Variants in RINL observed in about 807,000 individuals in gnomAD.
The protein encoded by RINL is Ras and Rab interactor like.
In RINL, 39 loss-of-function variants were observed where a neutral mutation model predicts 58.1. The observed-to-expected ratio is 0.67, with a 90% CI of 0.52 to 0.88. The LOEUF is 0.88. Among genes scored for constraint, RINL ranks in the 40% least tolerant of loss-of-function variants. The probability of loss-of-function intolerance (pLI) is 0.00; values close to 1 mark genes in which losing one functional copy is unlikely to be tolerated. For synonymous variants in RINL, 286 were observed against 323.1 expected (o/e 0.89, Z 1.23); for missense variants, 711 against 749.2 (o/e 0.95, Z 0.60).
rs1568384966 is a variant in RINL at position 38,869,426 on chromosome 19, G to A, written c.1475-16C>T. ...TAGTACCCAGCTGGGGACAGAAAGG[G>A]AAGTCAGCTCCGCCCTCTCGGCTTC... On this transcript the variant is annotated splice_polypyrimidine_tract_variant and intron_variant, in intron 10 of 11. Transcript: ENST00000591812. The surrounding 1 kb of genome is among the most constrained non-coding windows in gnomAD (Gnocchi z 5.7). 6.3e-7 allele frequency: 1 copy of A among 1,584,872 alleles called. No individual in the cohort carries two copies. Among genetic ancestry groups the A allele is most frequent in the Non-Finnish European group, 8.6e-7 (1 of 1,162,302 alleles).
chr19:38,875,679 T>TTA (rs796837046), intron 3 of RINL, among the ~76,000 whole-genome samples: 1 of 147,638 alleles, frequency 6.8e-6, no homozygotes, highest in East Asian at 2.0e-4. Context: ...CTCTCAAAAT[T>TTA]AAAAAAAAAA....
In RINL at chr19:38,870,103, C is replaced by T. The variant is rs1014910244; in HGVS notation, c.1182G>A (p.Gly394=). 7.6e-6 allele frequency: 11 copies of T among 1,445,462 alleles called. No homozygotes were observed. In the Admixed American group the frequency reaches 1.2e-4, roughly 15 times the overall value. The allele number at this position is 1,445,462 out of a possible 1,614,324, so 89.5% of individuals were successfully genotyped here. ...RAGAGPPGAQ[G]PGPEGQSPAP... ...CGGGGCTCTGCCCTTCCGGTCCCGGCCCCTGTGCCCCCGGAGGCCCCGCCC... is the reference window on the plus strand; with the variant it reads ...CGGGGCTCTGCCCTTCCGGTCCCGGTCCCTGTGCCCCCGGAGGCCCCGCCC... Residue 394 remains glycine, a synonymous_variant, in exon 9 of 12, where the codon GGG becomes GGA. Transcript: ENST00000591812. The surrounding 1 kb of genome is among the most constrained non-coding windows in gnomAD (Gnocchi z 5.8).
intron 4 of RINL, among the ~76,000 whole-genome samples, chr19:38,872,527 G>A (rs1422208171): frequency 3.3e-5 from 5 of 151,818 alleles, no homozygotes; most frequent in Non-Finnish European, 5.9e-5. Flanking sequence ...TTTTAAAAAC[G>A]AGTAAACAAA....
intron 1 of RINL, among the ~76,000 whole-genome samples, chr19:38,877,058 C>T (rs550573714): frequency 2.6e-5 from 4 of 152,248 alleles, no homozygotes; most frequent in South Asian, 2.1e-4. Flanking sequence ...GGATTACAGG[C>T]GTGCACCACC....
intron 4 of RINL, among the ~76,000 whole-genome samples, chr19:38,872,455 C>CAGCCTGGGCGACAAAAGTGAGACTA (rs1972835001): frequency 1.3e-5 from 2 of 151,916 alleles, no homozygotes; most frequent in Non-Finnish European, 2.9e-5. Flanking sequence ...CATTGCACTC[C>CAGCCTGGGCGACAAAAGTGAGACTA]AGCCTGGGCG....
In RINL at chr19:38,868,953, C is replaced by G; in HGVS notation, c.*151G>C. On this transcript the variant is annotated 3_prime_UTR_variant, in exon 12 of 12. Coordinates refer to ENST00000591812, the MANE Select transcript of RINL (RefSeq NM_001195833.2). ...GTACCACAGGAGTACGCCACCACGC[C>G]CGGCTAATTTTTGTTTTTTTTTTTT... 1 of 686,292 alleles carries G rather than the reference C, an allele frequency of 1.5e-6. No homozygotes were observed. Among genetic ancestry groups the G allele is most frequent in the Non-Finnish European group, 2.4e-6 (1 of 422,434 alleles). 42.5% of individuals were successfully genotyped at this position (686,292 alleles called of 1,614,324 possible).
At chr19:38,875,505 A>G (rs545832742) in intron 3 of RINL, among the ~76,000 whole-genome samples, 1 of 151,778 alleles carries the variant, frequency 6.6e-6, no homozygotes, top group African/African-American at 2.4e-5. Flanking sequence ...GTGAAATCCC[A>G]TCTCTACTAA....
rs1404208583 is a variant in RINL, at chr19:38,871,824, A to G, written c.360T>C (p.His120=). ...SSNLCMPDLP[H]LLAFLSASRD... ...TGCTGGCTGATAGAAAGGCCAGGAG[A>G]TGGGGCAGGTCTGGCATGCAGAGGT... is the stretch of plus-strand genomic sequence containing the variant. The change falls in exon 5 of 12, where the codon CAT becomes CAC. Residue 120 remains histidine (H), a synonymous_variant. Transcript: ENST00000591812. 1 of 1,614,108 alleles carries G rather than the reference A, an allele frequency of 6.2e-7. No homozygotes were observed.
At chr19:38,876,208 A>G (rs1420115889) in intron 3 of RINL, 123 bp downstream of exon 3, 5 of 917,430 alleles carry the variant, frequency 5.5e-6, no homozygotes, top group Non-Finnish European at 8.1e-6. Context: ...TGCAGGCATG[A>G]GCCATTGCAC....
At position 38,868,973 on chromosome 19, in the gene RINL, T is replaced by G. The variant is rs566769660; in HGVS notation, c.*131A>C. The G allele has an allele frequency of 1.3e-4, 106 of 804,676 alleles. No homozygotes were observed. The highest frequency in any genetic ancestry group is 8.1e-4 in the African/African-American group (47 of 58,214). The allele number at this position is 804,676 out of a possible 1,614,324, so 49.8% of individuals were successfully genotyped here. Reference sequence around the variant, plus strand: ...CACGCCCGGCTAATTTTTGTTTTTTTTTTTTTTTGGTAGATGGGGGTCCCA... The same window carrying G: ...CACGCCCGGCTAATTTTTGTTTTTTGTTTTTTTTGGTAGATGGGGGTCCCA... On this transcript the variant is annotated 3_prime_UTR_variant, in exon 12 of 12. Coordinates refer to ENST00000591812, the MANE Select transcript of RINL (RefSeq NM_001195833.2).
intron 2 of RINL, 47 bp downstream of exon 2, chr19:38,876,646 C>T (rs1972932524): frequency 6.6e-7 from 1 of 1,514,708 alleles, no homozygotes; most frequent in Non-Finnish European, 8.9e-7. Flanking sequence ...GAAAGGGTTT[C>T]TGGATGCAGG....
intron 6 of RINL, 93 bp from the exon 7 acceptor site, chr19:38,871,320 T>C (rs1410063007): frequency 3.0e-5 from 42 of 1,394,130 alleles, no homozygotes; most frequent in Non-Finnish European, 4.0e-5. Context: ...CCCAGCTTCA[T>C]TGCTGGAGGT....
intron 2 of RINL, 52 bp downstream of exon 2, chr19:38,876,641 G>A: frequency 1.9e-5 from 28 of 1,503,150 alleles, no homozygotes; most frequent in Non-Finnish European, 2.3e-5. Flanking sequence ...GGATGGAAAG[G>A]GTTTCTGGAT....
At position 38,868,950 on chromosome 19, in the gene RINL, C is replaced by A; in HGVS notation, c.*154G>T. ...CTGGTACCACAGGAGTACGCCACCA[C>A]GCCCGGCTAATTTTTGTTTTTTTTT... On this transcript the variant is annotated 3_prime_UTR_variant, in exon 12 of 12. Transcript: ENST00000591812. 1.5e-6 allele frequency: 1 copy of A among 671,908 alleles called. No homozygotes were observed. The highest frequency in any genetic ancestry group is 2.4e-6 in the Non-Finnish European group (1 of 409,768). The allele number at this position is 671,908 out of a possible 1,614,324, so 41.6% of individuals were successfully genotyped here. A position where few individuals can be genotyped will look rare whatever the true frequency, so the allele number is the denominator to read the frequency against.
intron 3 of RINL, among the ~76,000 whole-genome samples, chr19:38,874,906 G>A (rs929259548): frequency 4.6e-5 from 7 of 152,038 alleles, no homozygotes; most frequent in African/African-American, 1.4e-4. Context: ...AGGCCGAGGC[G>A]GGTGGATCAC....
Position 38,869,169 on chromosome 19 carries a change from G to A in RINL, c.1639-3C>T. On this transcript the variant is annotated splice_polypyrimidine_tract_variant and splice_region_variant and intron_variant, in intron 11 of 11. Transcript: ENST00000591812. This position sits in a 1 kb window ranked among gnomAD's most constrained non-coding sequence, Gnocchi z 5.7. ...GGCTCCTTAAAGGGCAGGTTGGCCT[G>A]TGGGGAGAGGTGGGAGCTGGGTCAG... 1.2e-6 allele frequency: 2 copies of A among 1,614,154 alleles called. No homozygotes were observed. Among genetic ancestry groups the A allele is most frequent in the Non-Finnish European group, 1.7e-6 (2 of 1,180,004 alleles).
At position 38,868,737 on chromosome 19, in the gene RINL, G is replaced by A. The variant is rs117690948; in HGVS notation, c.*367C>T. 2,511 of 184,492 alleles carry A rather than the reference G, an allele frequency of 0.014. 35 individuals carry two copies. The highest frequency in any genetic ancestry group is 0.025 in the South Asian group (192 of 7,812). The allele number at this position is 184,492 out of a possible 1,614,324, so 11.4% of individuals were successfully genotyped here. ...TTAGGAGCAGCAAGGAGGAGGGAGGGGTCCCAGGAAAAGGGAACAGCCTAC... is the reference window on the plus strand; with the variant it reads ...TTAGGAGCAGCAAGGAGGAGGGAGGAGTCCCAGGAAAAGGGAACAGCCTAC... On this transcript the variant is annotated 3_prime_UTR_variant, in exon 12 of 12. Coordinates refer to ENST00000591812, the MANE Select transcript of RINL (RefSeq NM_001195833.2).
Position 38,875,923 on chromosome 19 carries a change from G to A in RINL, c.210+408C>T, listed in dbSNP as rs369462162. Reference sequence around the variant, plus strand: ...AGATAAATGCCTATTTGTTTAAACCGCTGTAGGACAGGTGTTTGTTATATT... The same window carrying A: ...AGATAAATGCCTATTTGTTTAAACCACTGTAGGACAGGTGTTTGTTATATT... On this transcript the variant is annotated intron_variant, in intron 3 of 11. Transcript: ENST00000591812. Among the ~76,000 whole-genome samples the A allele has an allele frequency of 4.7e-4, 72 of 152,304 alleles. 1 individual carries two copies. In the South Asian group the frequency reaches 0.013, roughly 29 times the overall value.
intron 1 of RINL, 120 bp from the exon 2 acceptor site, chr19:38,876,901 G>A (rs560168460): frequency 6.6e-5 from 41 of 623,482 alleles, no homozygotes; most frequent in South Asian, 6.2e-4. Context: ...GCCGCTTGCC[G>A]TGGCAGGGGT....
Sources: gnomAD v4.1 joint callset for allele counts (sites outside exome capture counted in the v4.1 genomes callset) on GRCh38, gnomAD v4.1.1 for gene constraint, Gnocchi (gnomAD v3.1) non-coding constraint, MANE v1.5 for transcripts, NCBI Gene and HGNC (gene_info 2026-07-23, HGNC 2026-07-21) for gene names.